The following GRM7 variants were observed in gnomAD, a reference collection of about 807,000 sequenced individuals.
The protein encoded by GRM7 is glutamate metabotropic receptor 7, also known as metabotropic glutamate receptor 7.
A neutral mutation model predicts 84.5 loss-of-function variants in GRM7; 35 were observed. The observed-to-expected ratio is 0.41, with a 90% CI of 0.32 to 0.55. The LOEUF (loss-of-function observed/expected upper bound fraction) is 0.55, where lower values mean the gene tolerates loss of function less well. GRM7 is among the 20% of genes least tolerant of loss of function. The pLI is 0.19. For synonymous variants in GRM7, 487 were observed against 455.1 expected, an observed-to-expected ratio of 1.07 and a Z score of -0.89; for missense variants, 1,003 against 1,194.6, an observed-to-expected ratio of 0.84 and a Z score of 2.36.
chr3:7,303,170 G>T (rs981331487), intron 3 of GRM7, among the ~76,000 whole-genome samples: 6 of 151,992 alleles, frequency 3.9e-5, no homozygotes, highest in African/African-American at 1.4e-4. Context: ...TTGATCTCCT[G>T]ACCTTGTGAT....
chr3:7,054,185 T>A (rs895860043), intron 1 of GRM7, among the ~76,000 whole-genome samples: 2 of 150,676 alleles, frequency 1.3e-5, no homozygotes, highest in African/African-American at 4.8e-5. Flanking sequence ...AACATAGTTT[T>A]TTGTAGGTTC....
At chr3:7,566,775 C>T (rs886882661) in intron 7 of GRM7, among the ~76,000 whole-genome samples, 3 of 151,854 alleles carry the variant, frequency 2.0e-5, no homozygotes, top group African/African-American at 7.3e-5. Context: ...GAAGATTTCC[C>T]GTAAGGCTGT....
chr3:7,108,834 G>T (rs529920922), intron 1 of GRM7, among the ~76,000 whole-genome samples: 18 of 152,204 alleles, frequency 1.2e-4, no homozygotes, highest in African/African-American at 4.3e-4. Flanking sequence ...CAGTCATAGA[G>T]GCGCTTGGTT....
chr3:7,564,681 G>T (rs13093123), intron 7 of GRM7, among the ~76,000 whole-genome samples: 32,671 of 151,938 alleles, frequency 0.22, 3,688 homozygotes, highest in African/African-American at 0.26. Context: ...CGTTATTTAG[G>T]TAACTGCCAT....
chr3:6,882,246 T>G (rs1695540037), intron 1 of GRM7, among the ~76,000 whole-genome samples: 1 of 152,194 alleles, frequency 6.6e-6, no homozygotes, highest in Non-Finnish European at 1.5e-5. Flanking sequence ...TGATTTTCTT[T>G]TGTACAAATA....
At chr3:7,568,980 C>T (rs368430633) in intron 7 of GRM7, among the ~76,000 whole-genome samples, 18 of 152,160 alleles carry the variant, frequency 1.2e-4, no homozygotes, top group African/African-American at 1.9e-4. Context: ...GGAGTGCGGG[C>T]GCACATTGGG....
chr3:6,871,145 T>G (rs1695106617), intron 1 of GRM7, among the ~76,000 whole-genome samples: 1 of 152,164 alleles, frequency 6.6e-6, no homozygotes, highest in Non-Finnish European at 1.5e-5. Context: ...ATTATTTTAA[T>G]AACATTTGTG....
At chr3:7,020,377 C>T (rs539170879) in intron 1 of GRM7, among the ~76,000 whole-genome samples, 2 of 152,192 alleles carry the variant, frequency 1.3e-5, no homozygotes, top group Admixed American at 1.3e-4. Context: ...ATAGGCAGAA[C>T]ATGGGGGGAT....
At chr3:6,964,742 T>C (rs539411815) in intron 1 of GRM7, among the ~76,000 whole-genome samples, 1 of 152,322 alleles carries the variant, frequency 6.6e-6, no homozygotes, top group South Asian at 2.1e-4. Flanking sequence ...ATATTTGCAA[T>C]TTTTTATTTC....
At chr3:7,154,316 T>A (rs1694379185) in intron 2 of GRM7, among the ~76,000 whole-genome samples, 1 of 152,186 alleles carries the variant, frequency 6.6e-6, no homozygotes. Context: ...CAGATGTTTA[T>A]CTTCCTAATT....
intron 5 of GRM7, among the ~76,000 whole-genome samples, chr3:7,435,177 G>A (rs1488212247): frequency 2.7e-5 from 4 of 149,450 alleles, no homozygotes; most frequent in African/African-American, 7.4e-5. Flanking sequence ...TTTTTTTTTG[G>A]GCGGGGGACA....
intron 1 of GRM7, among the ~76,000 whole-genome samples, chr3:7,064,008 T>G (rs1169833208): frequency 2.0e-5 from 3 of 151,790 alleles, no homozygotes; most frequent in South Asian, 2.1e-4. Flanking sequence ...ACACAGTCAT[T>G]TAGGGATCTA....
chr3:7,180,081 T>C (rs944932754), intron 2 of GRM7, among the ~76,000 whole-genome samples: 1 of 152,216 alleles, frequency 6.6e-6, no homozygotes, highest in Non-Finnish European at 1.5e-5. Flanking sequence ...CATCTGACTT[T>C]CACAGAACAT....
chr3:6,939,304 A>G (rs1386434454), intron 1 of GRM7, among the ~76,000 whole-genome samples: 1 of 152,184 alleles, frequency 6.6e-6, no homozygotes, highest in African/African-American at 2.4e-5. Context: ...GATTCACATC[A>G]TTATCAATCA....
intron 1 of GRM7, among the ~76,000 whole-genome samples, chr3:6,997,867 C>T (rs1694876682): frequency 6.6e-6 from 1 of 151,966 alleles, no homozygotes; most frequent in Non-Finnish European, 1.5e-5. Context: ...TGTCTGTAAT[C>T]CCAGCACTTT....
chr3:6,912,532 C>T (rs560618614), intron 1 of GRM7, among the ~76,000 whole-genome samples: 1 of 152,256 alleles, frequency 6.6e-6, no homozygotes, highest in East Asian at 1.9e-4. Context: ...TCTCATTTGG[C>T]TGTGGATGAA....
At chr3:6,992,629 G>A (rs1013261241) in intron 1 of GRM7, among the ~76,000 whole-genome samples, 2 of 152,138 alleles carry the variant, frequency 1.3e-5, no homozygotes, top group African/African-American at 4.8e-5. Context: ...GGCTTACAGG[G>A]GCCAAAAGAG....
chr3:7,578,034 C>CG (rs1170616690), intron 7 of GRM7, among the ~76,000 whole-genome samples: 10 of 152,138 alleles, frequency 6.6e-5, no homozygotes, highest in Non-Finnish European at 1.0e-4. Flanking sequence ...ACTTATTACC[C>CG]GGGGGGAAGA....
intron 4 of GRM7, among the ~76,000 whole-genome samples, chr3:7,371,188 A>G (rs77025346): frequency 0.081 from 12,294 of 152,146 alleles, 619 homozygotes; most frequent in African/African-American, 0.15. Context: ...GCAGACCACA[A>G]TAGAGTGACG....
Sources: allele counts gnomAD v4.1 joint callset (sites outside exome capture counted in the v4.1 genomes callset), GRCh38; gene constraint gnomAD v4.1.1; transcripts MANE v1.5; gene names NCBI Gene and HGNC (gene_info 2026-07-23, HGNC 2026-07-21).